The following MCTP2 variants were observed in gnomAD, a reference collection of about 807,000 sequenced individuals.
MCTP2 encodes the protein multiple C2 and transmembrane domain-containing protein 2.
A neutral mutation model predicts 111.6 loss-of-function variants in MCTP2; 132 were observed. That is an observed-to-expected ratio of 1.18 (90% confidence interval 1.03 to 1.37). The LOEUF is 1.37. Among genes scored for constraint, MCTP2 ranks in the 40% most tolerant of loss-of-function variants. The pLI is 0.00. For synonymous variants in MCTP2, 395 were observed against 387.7 expected (o/e 1.02, Z -0.22); for missense variants, 1,183 against 1,067.9 (o/e 1.11, Z -1.50).
chr15:94,348,609 C>T (rs2078129926), intron 8 of MCTP2, among the ~76,000 whole-genome samples: 1 of 148,468 alleles, frequency 6.7e-6, no homozygotes, highest in Non-Finnish European at 1.5e-5. Flanking sequence ...TCAAAGATGC[C>T]ACTTCTGTCA....
At chr15:94,356,348 AAAAAATT>A in intron 9 of MCTP2, 47 bp downstream of exon 9, 1 of 1,448,516 alleles carries the variant, frequency 6.9e-7, no homozygotes, top group Non-Finnish European at 9.1e-7. Flanking sequence ...TTAAAATAAA[AAAAAATT>A]AAAAATTGTT....
In MCTP2 at chr15:94,481,030, G is replaced by A. The variant is rs938849716; in HGVS notation, c.*1996G>A. The A allele has an allele frequency of 1.3e-5, 2 of 152,196 alleles. No homozygotes were observed. Among genetic ancestry groups the A allele is most frequent in the Non-Finnish European group, 2.9e-5 (2 of 68,038 alleles). The allele number at this position is 152,196 out of a possible 1,614,324, so 9.4% of individuals were successfully genotyped here. On this transcript the variant is annotated 3_prime_UTR_variant, in exon 23 of 23. Transcript: ENST00000357742. ...GGATGTTTGTTAGAAAGGAATGTTA[G>A]TTGTAAGTGACATGTTAAGATTTAT...
chr15:94,314,118 T>G (rs294553), intron 2 of MCTP2, among the ~76,000 whole-genome samples, 164 bp from the exon 3 acceptor site: 1,958 of 152,302 alleles, frequency 0.013, 51 homozygotes, highest in African/African-American at 0.045. Flanking sequence ...GGATGACACC[T>G]CTGCATCCAC....
chr15:94,375,929 T>C (rs923705688), intron 12 of MCTP2, among the ~76,000 whole-genome samples: 2 of 152,192 alleles, frequency 1.3e-5, no homozygotes, highest in African/African-American at 4.8e-5. Context: ...TAAGTATTTC[T>C]CAACTTCAGG....
chr15:94,377,250 C>G (rs17630857), intron 12 of MCTP2, among the ~76,000 whole-genome samples: 1 of 152,042 alleles, frequency 6.6e-6, no homozygotes, highest in Non-Finnish European at 1.5e-5. Flanking sequence ...TAAAGATGCC[C>G]TATTTTCAAA....
chr15:94,447,035 T>C (rs1377116602), intron 19 of MCTP2, among the ~76,000 whole-genome samples: 1 of 152,228 alleles, frequency 6.6e-6, no homozygotes, highest in Non-Finnish European at 1.5e-5. Flanking sequence ...AATTAGTTTG[T>C]CATCATTAAA....
intron 1 of MCTP2, among the ~76,000 whole-genome samples, chr15:94,271,846 T>A (rs1301967484): frequency 1.3e-5 from 2 of 152,232 alleles, no homozygotes; most frequent in Non-Finnish European, 2.9e-5. Context: ...AAAGTTTCTG[T>A]TGTTCTAAAT....
intron 1 of MCTP2, among the ~76,000 whole-genome samples, chr15:94,257,382 T>A (rs2072846231): frequency 6.6e-6 from 1 of 151,936 alleles, no homozygotes; most frequent in African/African-American, 2.4e-5. Context: ...CTAGCATCCA[T>A]TGAAAGGAGG....
In MCTP2 at chr15:94,294,158, A is replaced by C. The variant is rs1272451698; in HGVS notation, c.-65-4043A>C. On this transcript the variant is annotated intron_variant, in intron 1 of 22. Transcript: ENST00000357742. ...TTCCGTTTAGAAAACATTCCCCGAA[A>C]GACAAAATGATAGTGATAGAGAATA... Among the ~76,000 whole-genome samples the C allele has an allele frequency of 2.0e-5, 3 of 152,194 alleles. No homozygotes were observed. In the East Asian group the frequency reaches 5.8e-4, roughly 29 times the overall value.
Position 94,476,653 on chromosome 15 carries a change from CAG to C in MCTP2, c.2471-41_2471-40del, listed in dbSNP as rs746741600. The C allele has an allele frequency of 7.0e-4, 591 of 848,742 alleles. 1 individual carries two copies. Among genetic ancestry groups the C allele is most frequent in the Middle Eastern group, 2.2e-3 (9 of 4,066 alleles). 52.6% of individuals were successfully genotyped at this position (848,742 alleles called of 1,614,324 possible). Reference sequence around the variant, plus strand: ...ATAGATAGATAGATAGATAGATAGACAGACAGACAGATAAAGAGATCTCCTGT... The same window carrying C: ...ATAGATAGATAGATAGATAGATAGACACAGACAGATAAAGAGATCTCCTGT... On this transcript the variant is annotated intron_variant, in intron 21 of 22. Transcript: ENST00000357742.
At chr15:94,295,626 C>T (rs989712264) in intron 1 of MCTP2, among the ~76,000 whole-genome samples, 4 of 152,140 alleles carry the variant, frequency 2.6e-5, no homozygotes, top group African/African-American at 9.7e-5. Context: ...TACTGGCCAC[C>T]TTCTCCATTT....
rs1456702637 is a variant in MCTP2, at chr15:94,379,745, GATATATAAT to G, written c.1583-4263_1583-4255del. Among the ~76,000 whole-genome samples, 6 of 144,154 alleles carry G rather than the reference GATATATAAT, an allele frequency of 4.2e-5. No homozygotes were observed. The East Asian group carries it at 6.0e-4, about 14-fold the overall frequency. The allele number at this position is 144,154 out of a possible 152,430, so 94.6% of individuals were successfully genotyped here. A position where few individuals can be genotyped will look rare whatever the true frequency, so the allele number is the denominator to read the frequency against. On this transcript the variant is annotated intron_variant, in intron 12 of 22. Coordinates refer to ENST00000357742, the MANE Select transcript of MCTP2 (RefSeq NM_001385001.1). Reference sequence around the variant, plus strand: ...ATATATAATGTGTAATATAATATATGATATATAATATATATAATATATGATATGTAATAT... The same window carrying G: ...ATATATAATGTGTAATATAATATATGATATATAATATATGATATGTAATAT...
chr15:94,328,204 C>T (rs2076968469), intron 4 of MCTP2, among the ~76,000 whole-genome samples: 1 of 151,090 alleles, frequency 6.6e-6, no homozygotes, highest in Non-Finnish European at 1.5e-5. Flanking sequence ...TCTCGGCTCA[C>T]TGCAGGCTCT....
chr15:94,363,173 C>T (rs986056487), intron 10 of MCTP2, among the ~76,000 whole-genome samples: 7 of 152,098 alleles, frequency 4.6e-5, no homozygotes, highest in East Asian at 1.9e-4. Context: ...TTCTTTTGTG[C>T]GTTCAGTGTA....
chr15:94,273,792 G>GA, intron 1 of MCTP2: 1 of 203,648 alleles, frequency 4.9e-6, no homozygotes, highest in South Asian at 1.1e-4. Flanking sequence ...CCCTTATTCA[G>GA]AAAGAAATAT....
intron 19 of MCTP2, 118 bp from the exon 20 acceptor site, chr15:94,458,019 A>G (rs891379063): frequency 1.6e-6 from 1 of 618,808 alleles, no homozygotes; most frequent in Non-Finnish European, 2.9e-6. Flanking sequence ...ACAATGATTT[A>G]TCTCTTGTGT....
chr15:94,288,965 G>C (rs746155162), intron 1 of MCTP2, among the ~76,000 whole-genome samples: 1 of 152,106 alleles, frequency 6.6e-6, no homozygotes, highest in African/African-American at 2.4e-5. Flanking sequence ...ATCAATAAAG[G>C]TTATCCAATC....
chr15:94,463,475 A>G (rs2085336604), intron 20 of MCTP2, among the ~76,000 whole-genome samples: 1 of 152,130 alleles, frequency 6.6e-6, no homozygotes, highest in South Asian at 2.1e-4. Context: ...AAACTTAGTT[A>G]TCTTATTTTT....
intron 17 of MCTP2, among the ~76,000 whole-genome samples, chr15:94,413,899 G>A (rs1324781537): frequency 6.6e-6 from 1 of 152,036 alleles, no homozygotes; most frequent in Non-Finnish European, 1.5e-5. Context: ...AGGTTCAAGA[G>A]TTTTTAAATT....
Sources: allele counts gnomAD v4.1 joint callset (sites outside exome capture counted in the v4.1 genomes callset), GRCh38; gene constraint gnomAD v4.1.1; transcripts MANE v1.5; gene names NCBI Gene and HGNC (gene_info 2026-07-23, HGNC 2026-07-21).